Variants in TBC1D5 observed in about 807,000 individuals in gnomAD.
TBC1D5 encodes TBC1 domain family, member 5.
In TBC1D5, 75 loss-of-function variants were observed where a neutral mutation model predicts 100.3. That is an observed-to-expected ratio of 0.75 (90% CI 0.62 to 0.91). TBC1D5 has a LOEUF of 0.91. Among genes scored for constraint, TBC1D5 ranks in the 40% least tolerant of loss-of-function variants. The pLI is 0.00. For missense variants in TBC1D5, 910 were observed against 942.4 expected, an observed-to-expected ratio of 0.97 and a Z score of 0.45; for synonymous variants, 323 against 325.6, an observed-to-expected ratio of 0.99 and a Z score of 0.09.
intron 13 of TBC1D5, among the ~76,000 whole-genome samples, chr3:17,350,977 C>T (rs115402856): frequency 0.022 from 3,415 of 152,228 alleles, 122 homozygotes; most frequent in African/African-American, 0.077. Context: ...ATAAGTTATA[C>T]AAGACATGCA....
rs537454396 is a variant in TBC1D5, at chr3:17,378,474, A to C, written c.613-1861T>G. On this transcript the variant is annotated intron_variant, in intron 9 of 21. Transcript: ENST00000253692. ...TAAATGCTAGCAAGATTGAACCCCA[A>C]AATTTTATTGACCGTTTTTACTTAA... Among the ~76,000 whole-genome samples, 19 of 151,984 alleles carry C rather than the reference A, an allele frequency of 1.3e-4. No homozygotes were observed. In the East Asian group the frequency reaches 3.3e-3, roughly 26 times the overall value.
chr3:17,566,441 G>C (rs2096594287), intron 2 of TBC1D5, among the ~76,000 whole-genome samples: 1 of 151,926 alleles, frequency 6.6e-6, no homozygotes, highest in Non-Finnish European at 1.5e-5. Context: ...TTGAAGATCT[G>C]ATACACAGGA....
intron 2 of TBC1D5, among the ~76,000 whole-genome samples, chr3:17,590,164 C>G (rs1285265089): frequency 6.6e-6 from 1 of 152,106 alleles, no homozygotes; most frequent in Admixed American, 6.5e-5. Context: ...GTATGCTACA[C>G]TCAAAAAGAA....
chr3:17,739,686 T>C (rs940888277), exon 1 of TBC1D5: 1 of 152,200 alleles, frequency 6.6e-6, no homozygotes, highest in Non-Finnish European at 1.5e-5. Flanking sequence ...GATGACAAAT[T>C]TGACTTTTAA....
At chr3:17,723,058 T>C (rs1390915674) in intron 1 of TBC1D5, among the ~76,000 whole-genome samples, 1 of 152,038 alleles carries the variant, frequency 6.6e-6, no homozygotes, top group Non-Finnish European at 1.5e-5. Context: ...GTACAAAAAA[T>C]AGTTCTAAAG....
chr3:17,536,307 T>C (rs2096280926), intron 2 of TBC1D5, among the ~76,000 whole-genome samples: 1 of 152,216 alleles, frequency 6.6e-6, no homozygotes, highest in African/African-American at 2.4e-5. Context: ...AGAGGATGTA[T>C]GTTAGTATAA....
At chr3:17,467,382 T>G (rs983661233) in intron 3 of TBC1D5, among the ~76,000 whole-genome samples, 2 of 151,770 alleles carry the variant, frequency 1.3e-5, no homozygotes, top group Non-Finnish European at 2.9e-5. Flanking sequence ...TTGTTACATA[T>G]GTTTCTTACC....
intron 5 of TBC1D5, 136 bp from the exon 6 acceptor site, chr3:17,405,097 T>C (rs2093737965): frequency 2.2e-6 from 1 of 457,294 alleles, no homozygotes; most frequent in Admixed American, 3.9e-5. Flanking sequence ...TTTCAATTCC[T>C]ACCAATTTCT....
At chr3:17,609,461 CTT>C (rs1220768294) in intron 2 of TBC1D5, among the ~76,000 whole-genome samples, 1 of 152,114 alleles carries the variant, frequency 6.6e-6, no homozygotes, top group African/African-American at 2.4e-5. Flanking sequence ...TTTTCTTCCT[CTT>C]GTTTCTATAA....
chr3:17,420,407 C>A (rs1000783959), intron 4 of TBC1D5, among the ~76,000 whole-genome samples: 1 of 151,928 alleles, frequency 6.6e-6, no homozygotes, highest in African/African-American at 2.4e-5. Flanking sequence ...TCCCTTAAAT[C>A]ATTTGAGTCA....
exon 22 of TBC1D5, chr3:17,160,213 G>A (rs778131493): frequency 6.6e-6 from 1 of 152,176 alleles, no homozygotes; most frequent in Non-Finnish European, 1.5e-5. Context: ...AATTGTTTAA[G>A]GAGAGATATT....
chr3:17,245,475 T>C (rs1336870840), intron 16 of TBC1D5, among the ~76,000 whole-genome samples: 1 of 152,240 alleles, frequency 6.6e-6, no homozygotes, highest in Non-Finnish European at 1.5e-5. Flanking sequence ...GGGAAACATG[T>C]TTCCTTTCAG....
At chr3:17,690,770 T>C (rs984530045) in intron 1 of TBC1D5, among the ~76,000 whole-genome samples, 1 of 152,120 alleles carries the variant, frequency 6.6e-6, no homozygotes, top group African/African-American at 2.4e-5. Flanking sequence ...AACAGTTTCA[T>C]CCGAAAACCA....
At chr3:17,634,487 A>G (rs1281082847) in intron 1 of TBC1D5, among the ~76,000 whole-genome samples, 1 of 152,178 alleles carries the variant, frequency 6.6e-6, no homozygotes, top group Non-Finnish European at 1.5e-5. Context: ...AAAGACAAAT[A>G]TCACATGTTC....
intron 1 of TBC1D5, among the ~76,000 whole-genome samples, chr3:17,719,290 G>A (rs971973278): frequency 1.1e-4 from 17 of 152,072 alleles, no homozygotes; most frequent in African/African-American, 3.9e-4. Flanking sequence ...AATCTAGAAC[G>A]TTATTTAGTA....
intron 13 of TBC1D5, among the ~76,000 whole-genome samples, chr3:17,330,649 TGGA>T (rs1353502314): frequency 6.6e-6 from 1 of 152,146 alleles, no homozygotes; most frequent in Non-Finnish European, 1.5e-5. Flanking sequence ...TCTTGAAAGT[TGGA>T]GATGAGTTCC....
intron 1 of TBC1D5, among the ~76,000 whole-genome samples, chr3:17,659,024 C>A (rs1450255349): frequency 2.6e-5 from 4 of 152,118 alleles, no homozygotes; most frequent in African/African-American, 9.7e-5. Context: ...GGAGACAGAG[C>A]AAGATTCAGA....
intron 2 of TBC1D5, among the ~76,000 whole-genome samples, chr3:17,534,985 T>C (rs1003796057): frequency 2.0e-5 from 3 of 152,194 alleles, no homozygotes; most frequent in Non-Finnish European, 4.4e-5. Flanking sequence ...TTTATCCAAA[T>C]GGAAGCCCTC....
At chr3:17,170,756 A>G (rs2067097982) in intron 19 of TBC1D5, among the ~76,000 whole-genome samples, 1 of 151,862 alleles carries the variant, frequency 6.6e-6, no homozygotes, top group African/African-American at 2.4e-5. Context: ...GCACTCAGAA[A>G]CTCTTCCTCA....
Sources: gnomAD v4.1 joint callset for allele counts (sites outside exome capture counted in the v4.1 genomes callset) on GRCh38, gnomAD v4.1.1 for gene constraint, MANE v1.5 for transcripts, NCBI Gene and HGNC (gene_info 2026-07-23, HGNC 2026-07-21) for gene names.